Variants in KPNB1 observed in about 807,000 individuals in gnomAD.
The protein encoded by KPNB1 is importin subunit beta-1.
Under a neutral mutation model 113.0 loss-of-function variants are expected in KPNB1, and 7 were observed. That is an observed-to-expected ratio of 0.06 (90% CI 0.04 to 0.12). The LOEUF (loss-of-function observed/expected upper bound fraction) is 0.12. KPNB1 is among the 10% of genes least tolerant of loss of function. The pLI, the probability that KPNB1 is intolerant of heterozygous loss-of-function variation, is 1.00. For synonymous variants in KPNB1, 363 were observed against 378.6 expected (o/e 0.96, Z 0.48); for missense variants, 400 against 1,054.8 (o/e 0.38, Z 8.60).
chr17:47,673,221 C>T, intron 13 of KPNB1, 56 bp downstream of exon 13: 1 of 1,521,498 alleles, frequency 6.6e-7, no homozygotes, highest in South Asian at 1.2e-5. Flanking sequence ...ACTTTTGACA[C>T]CTAGGTCTGT....
In KPNB1 at chr17:47,653,429, A is replaced by G. The variant is rs182311305; in HGVS notation, c.282+553A>G. ...GCTAATTTTTGTACTTGAAGTAGAG[A>G]CGGGGTTTCACCATGTTGGCCAGGC... On this transcript the variant is annotated intron_variant, in intron 3 of 21. Coordinates refer to ENST00000290158, the MANE Select transcript of KPNB1 (RefSeq NM_002265.6). Among the ~76,000 whole-genome samples the G allele has an allele frequency of 5.3e-5, 8 of 152,070 alleles. No homozygotes were observed. The East Asian group carries it at 1.5e-3, about 29-fold the overall frequency.
At chr17:47,660,065 C>T (rs1328836514) in intron 5 of KPNB1, among the ~76,000 whole-genome samples, 3 of 152,170 alleles carry the variant, frequency 2.0e-5, no homozygotes, top group Admixed American at 2.0e-4. Flanking sequence ...ATCTCCAGAA[C>T]TTTTTCATCT....
chr17:47,675,997 C>G (rs2030605081), intron 15 of KPNB1, among the ~76,000 whole-genome samples: 1 of 152,112 alleles, frequency 6.6e-6, no homozygotes, highest in Non-Finnish European at 1.5e-5. Flanking sequence ...CTTGTTTAGC[C>G]CTTGATGGAA....
intron 19 of KPNB1, among the ~76,000 whole-genome samples, chr17:47,679,085 A>ATTTT (rs370136574): frequency 2.2e-5 from 3 of 138,948 alleles, no homozygotes; most frequent in African/African-American, 8.0e-5. Flanking sequence ...ATGCCCAGCT[A>ATTTT]TTTTTTTTTT....
chr17:47,651,066 T>A, intron 2 of KPNB1: 1 of 202,350 alleles, frequency 4.9e-6, no homozygotes, highest in Non-Finnish European at 8.8e-6. Context: ...TTTTTTCTTC[T>A]GACCTGGATG....
Position 47,652,880 on chromosome 17 carries a change from A to C in KPNB1, c.282+4A>C. ...TCGACGAGAAGTCAAGAACTATGTG[A>C]GTAACGCTTATCTGTTTGGTTATAT... On this transcript the variant is annotated splice_donor_region_variant and intron_variant, in intron 3 of 21. Coordinates refer to ENST00000290158, the MANE Select transcript of KPNB1 (RefSeq NM_002265.6). 1 of 1,568,642 alleles carries C rather than the reference A, an allele frequency of 6.4e-7. No homozygotes were observed. The highest frequency in any genetic ancestry group is 8.6e-7 in the Non-Finnish European group (1 of 1,162,284).
chr17:47,679,146 C>T (rs114655526), intron 19 of KPNB1, among the ~76,000 whole-genome samples: 6 of 151,050 alleles, frequency 4.0e-5, no homozygotes, highest in East Asian at 1.9e-4. Context: ...AGGCTGCTCT[C>T]GAACTCCTGA....
chr17:47,667,426 C>T (rs1029310275), intron 9 of KPNB1, among the ~76,000 whole-genome samples: 1 of 151,614 alleles, frequency 6.6e-6, no homozygotes, highest in African/African-American at 2.4e-5. Flanking sequence ...TGCACTGCAC[C>T]TTGCCTCTTT....
At chr17:47,671,696 T>C (rs543253991) in intron 12 of KPNB1, 2 of 151,930 alleles carry the variant, frequency 1.3e-5, no homozygotes, top group South Asian at 4.2e-4. Context: ...CCTGGCTAAT[T>C]TTTGTATTTT....
chr17:47,670,612 G>GAC, intron 11 of KPNB1, 90 bp from the exon 12 acceptor site: 1 of 1,403,816 alleles, frequency 7.1e-7, no homozygotes, highest in East Asian at 2.3e-5. Flanking sequence ...GAAGTTCACT[G>GAC]ACACGGCCCA....
chr17:47,664,833 A>G (rs2030218371), intron 8 of KPNB1, among the ~76,000 whole-genome samples: 2 of 152,200 alleles, frequency 1.3e-5, no homozygotes, highest in South Asian at 4.1e-4. Flanking sequence ...ACTTATGAAA[A>G]AAAAGTTATA....
intron 3 of KPNB1, among the ~76,000 whole-genome samples, chr17:47,655,038 A>C (rs1915681063): frequency 6.6e-6 from 1 of 152,166 alleles, no homozygotes; most frequent in Non-Finnish European, 1.5e-5. Context: ...CCGTATAAGA[A>C]GGAAAGGGGG....
At chr17:47,670,400 T>C in intron 11 of KPNB1, 1 of 256,270 alleles carries the variant, frequency 3.9e-6, no homozygotes, top group Non-Finnish European at 7.6e-6. Flanking sequence ...AACAGGATGA[T>C]GAGAGATGTC....
chr17:47,658,034 G>T (rs1219690364), intron 4 of KPNB1, among the ~76,000 whole-genome samples: 1 of 152,140 alleles, frequency 6.6e-6, no homozygotes, highest in Non-Finnish European at 1.5e-5. Context: ...GTGCATTGTG[G>T]TAGTGCCTGT....
At chr17:47,675,361 G>GGT (rs2030566469) in intron 15 of KPNB1, among the ~76,000 whole-genome samples, 1 of 88,692 alleles carries the variant, frequency 1.1e-5, no homozygotes, top group Non-Finnish European at 2.3e-5. Flanking sequence ...CAGAGGTGTT[G>GGT]TTTTTTTTTT....
chr17:47,683,758 ACACT>A lies in KPNB1; in HGVS notation c.*1355_*1358del, dbSNP rs2030867706. Reference sequence around the variant, plus strand: ...GTGTGTGTTGTGTGAATACACACACACACTAACTAGAAGTCTTGTGATGAAAATG... The same window carrying A: ...GTGTGTGTTGTGTGAATACACACACAAACTAGAAGTCTTGTGATGAAAATG... On this transcript the variant is annotated 3_prime_UTR_variant, in exon 22 of 22. Transcript: ENST00000290158. 17 of 152,520 alleles carry A rather than the reference ACACT, an allele frequency of 1.1e-4. No individual in the cohort carries two copies. Among genetic ancestry groups the A allele is most frequent in the Admixed American group, 1.1e-3 (17 of 15,270 alleles). The allele number at this position is 152,520 out of a possible 1,614,324, so 9.4% of individuals were successfully genotyped here.
intron 20 of KPNB1, 116 bp downstream of exon 20, chr17:47,680,250 G>C (rs2030732666): frequency 2.4e-6 from 2 of 823,734 alleles, no homozygotes; most frequent in Non-Finnish European, 4.1e-6. Context: ...TTTTGGCACA[G>C]AGATTTCTTT....
chr17:47,684,306 G>A lies in KPNB1; in HGVS notation c.*1902G>A, dbSNP rs1391227085. 6.6e-6 allele frequency: 1 copy of A among 151,418 alleles called. No individual in the cohort carries two copies. Among genetic ancestry groups the A allele is most frequent in the Non-Finnish European group, 1.5e-5 (1 of 67,952 alleles). 9.4% of individuals were successfully genotyped at this position (151,418 alleles called of 1,614,324 possible). On this transcript the variant is annotated 3_prime_UTR_variant, in exon 22 of 22. Coordinates refer to ENST00000290158, the MANE Select transcript of KPNB1 (RefSeq NM_002265.6). ...AGGGTATCAGATATTGTGCCTTTTGGTGCCAGGTTCAAAGTCAAGTGCCGA... is the reference window on the plus strand; with the variant it reads ...AGGGTATCAGATATTGTGCCTTTTGATGCCAGGTTCAAAGTCAAGTGCCGA...
Position 47,683,116 on chromosome 17 carries a change from A to AAAAC in KPNB1, c.*714_*717dup, listed in dbSNP as rs1567897218. ...AAAAAAAAAAAAAAAAAAAAAAAAA[A>AAAAC]AAACACACACACAGAGGAAAGACGC... On this transcript the variant is annotated 3_prime_UTR_variant, in exon 22 of 22. Transcript: ENST00000290158. 2 of 147,804 alleles carry AAAAC rather than the reference A, an allele frequency of 1.4e-5. No homozygotes were observed. The highest frequency in any genetic ancestry group is 4.9e-5 in the African/African-American group (2 of 40,482). 9.2% of individuals were successfully genotyped at this position (147,804 alleles called of 1,614,324 possible).
Sources: allele counts gnomAD v4.1 joint callset (sites outside exome capture counted in the v4.1 genomes callset), GRCh38; gene constraint gnomAD v4.1.1; transcripts MANE v1.5; gene names NCBI Gene and HGNC (gene_info 2026-07-23, HGNC 2026-07-21).